Variants in KALRN observed in about 807,000 individuals in gnomAD.
KALRN encodes the protein kalirin RhoGEF kinase, also known as kalirin.
In KALRN, 70 loss-of-function variants were observed where a neutral mutation model predicts 353.7. The ratio of observed to expected loss-of-function variants is 0.20; its 90% CI spans 0.16 to 0.24. The LOEUF (loss-of-function observed/expected upper bound fraction) is 0.24, where lower values mean the gene tolerates loss of function less well. KALRN is among the 10% of genes least tolerant of loss of function. The pLI, the probability that KALRN is intolerant of heterozygous loss-of-function variation, is 1.00. For synonymous variants in KALRN, 1,391 were observed against 1,434.8 expected, an observed-to-expected ratio of 0.97 and a Z score of 0.69; for missense variants, 2,791 against 3,756.7, an observed-to-expected ratio of 0.74 and a Z score of 6.72.
intron 32 of KALRN, 83 bp downstream of exon 32, chr3:124,492,965 G>A: frequency 6.6e-7 from 1 of 1,517,294 alleles, no homozygotes; most frequent in Non-Finnish European, 9.0e-7. Flanking sequence ...CTTCTGAAGG[G>A]GGATGTGCCC....
At chr3:124,259,601 T>A (rs1189229486) in intron 3 of KALRN, among the ~76,000 whole-genome samples, 2 of 152,206 alleles carry the variant, frequency 1.3e-5, no homozygotes, top group African/African-American at 4.8e-5. Flanking sequence ...TATTCAGGCC[T>A]AGGAAGCTGG....
At position 124,719,488 on chromosome 3, in the gene KALRN, T is replaced by C. The variant is rs1433512920; in HGVS notation, c.*18T>C. 2.5e-6 allele frequency: 4 copies of C among 1,601,612 alleles called. No individual in the cohort carries two copies. Among genetic ancestry groups the C allele is most frequent in the African/African-American group, 2.7e-5 (2 of 74,760 alleles). On this transcript the variant is annotated 3_prime_UTR_variant, in exon 60 of 60. Transcript: ENST00000682506. The surrounding 1 kb of genome is among the most constrained non-coding windows in gnomAD (Gnocchi z 5.3). ...GGACGTAGCCATCTCCCAGCCCCTA[T>C]GGTTTCACATAGACGTGCAGTGTGA...
At chr3:124,680,070 T>C (rs556403315) in intron 51 of KALRN, among the ~76,000 whole-genome samples, 3 of 152,328 alleles carry the variant, frequency 2.0e-5, no homozygotes, top group Admixed American at 6.5e-5. Flanking sequence ...AAATAAGGTG[T>C]AATTGTAGCA....
intron 1 of KALRN, among the ~76,000 whole-genome samples, chr3:124,174,897 T>C (rs1426186886): frequency 6.6e-6 from 1 of 152,248 alleles, no homozygotes; most frequent in Non-Finnish European, 1.5e-5. Context: ...CTAGTCACCA[T>C]CTTCAGAATT....
chr3:124,583,381 A>C (rs1434197584), intron 34 of KALRN, among the ~76,000 whole-genome samples: 3 of 150,230 alleles, frequency 2.0e-5, no homozygotes, highest in Non-Finnish European at 4.5e-5. Context: ...GAAAGGTCCC[A>C]CTGATGTGGT....
intron 1 of KALRN, among the ~76,000 whole-genome samples, chr3:124,204,767 A>G (rs1226151904): frequency 6.6e-6 from 1 of 152,190 alleles, no homozygotes; most frequent in Non-Finnish European, 1.5e-5. Flanking sequence ...TGCCTCCCCC[A>G]TCTCTTAGTT....
intron 34 of KALRN, among the ~76,000 whole-genome samples, chr3:124,618,004 G>A (rs972252691): frequency 3.7e-4 from 56 of 151,486 alleles, no homozygotes; most frequent in African/African-American, 1.3e-3. Flanking sequence ...GAGACAGTCT[G>A]GAGCTGTTAT....
At chr3:124,488,710 C>T (rs1490334505) in intron 29 of KALRN, 2 of 161,294 alleles carry the variant, frequency 1.2e-5, no homozygotes, top group African/African-American at 4.8e-5. Flanking sequence ...CACACACAGA[C>T]ACACATACAC....
intron 33 of KALRN, among the ~76,000 whole-genome samples, chr3:124,527,087 GC>G (rs1335405087): frequency 6.6e-6 from 1 of 152,164 alleles, no homozygotes; most frequent in Admixed American, 6.5e-5. Flanking sequence ...GAAAAATAAA[GC>G]TGCAAAGGAA....
At chr3:124,484,674 T>C (rs2062361144) in intron 28 of KALRN, among the ~76,000 whole-genome samples, 1 of 152,254 alleles carries the variant, frequency 6.6e-6, no homozygotes, top group Non-Finnish European at 1.5e-5. Context: ...GACAGCTGCA[T>C]AGGCCATTCT....
At chr3:124,266,070 G>A (rs2073500797) in intron 4 of KALRN, among the ~76,000 whole-genome samples, 2 of 152,046 alleles carry the variant, frequency 1.3e-5, no homozygotes, top group Middle Eastern at 3.2e-3. Flanking sequence ...AGCTGAGATC[G>A]TACTATTGCA....
rs1275710281 is a variant in KALRN, at chr3:124,648,255, C to A, written c.5665-2553C>A. On this transcript the variant is annotated intron_variant, in intron 37 of 59. Coordinates refer to ENST00000682506, the MANE Select transcript of KALRN (RefSeq NM_001388419.1). ...CAGACTATCTAGCATATAGCTTTAG[C>A]CAAATTCTTTCTTCCTCTTGTCCTT... Among the ~76,000 whole-genome samples, 3 of 152,240 alleles carry A rather than the reference C, an allele frequency of 2.0e-5. No individual in the cohort carries two copies. In the East Asian group the frequency reaches 5.8e-4, roughly 29 times the overall value.
chr3:124,237,202 G>A (rs1453759801), intron 3 of KALRN, among the ~76,000 whole-genome samples: 2 of 152,170 alleles, frequency 1.3e-5, no homozygotes, highest in Non-Finnish European at 2.9e-5. Context: ...AAGAGAAAGG[G>A]AACAATGAAA....
At chr3:124,160,737 G>A (rs770823207) in intron 1 of KALRN, among the ~76,000 whole-genome samples, 1 of 152,092 alleles carries the variant, frequency 6.6e-6, no homozygotes, top group Admixed American at 6.5e-5. Flanking sequence ...AGGGATAATG[G>A]GATGCACACT....
chr3:124,395,727 A>T (rs1401984687), intron 12 of KALRN, among the ~76,000 whole-genome samples: 2 of 151,972 alleles, frequency 1.3e-5, no homozygotes, highest in African/African-American at 4.8e-5. Flanking sequence ...CTTAGGCTGA[A>T]CTCTGACCTC....
intron 1 of KALRN, among the ~76,000 whole-genome samples, chr3:124,218,460 C>A (rs553289656): frequency 7.2e-5 from 11 of 152,266 alleles, no homozygotes; most frequent in East Asian, 5.8e-4. Context: ...ACAGTTGGAT[C>A]ATAATAATCA....
intron 34 of KALRN, among the ~76,000 whole-genome samples, chr3:124,618,408 C>T (rs1474191940): frequency 6.6e-6 from 1 of 152,120 alleles, no homozygotes; most frequent in Non-Finnish European, 1.5e-5. Context: ...AGCCACCGCG[C>T]CCAGCCATGC....
chr3:124,368,227 G>T (rs1459534378), intron 10 of KALRN, among the ~76,000 whole-genome samples: 1 of 138,530 alleles, frequency 7.2e-6, no homozygotes, highest in African/African-American at 2.9e-5. Context: ...AGCACGGCTG[G>T]CCAGGCGGGG....
At chr3:124,555,449 A>G (rs2071115918) in intron 33 of KALRN, among the ~76,000 whole-genome samples, 1 of 151,338 alleles carries the variant, frequency 6.6e-6, no homozygotes, top group Non-Finnish European at 1.5e-5. Context: ...AAATAAATAA[A>G]TAAATAAATA....
Sources: allele counts gnomAD v4.1 joint callset (sites outside exome capture counted in the v4.1 genomes callset), GRCh38; gene constraint gnomAD v4.1.1; non-coding constraint Gnocchi (gnomAD v3.1); transcripts MANE v1.5; gene names NCBI Gene and HGNC (gene_info 2026-07-23, HGNC 2026-07-21).